CLIC5: variants seen among roughly 807,000 people sequenced by gnomAD.
CLIC5 encodes the protein chloride intracellular channel protein 5.
CLIC5 carries 20 observed loss-of-function variants against 24.7 expected under a neutral mutation model. That is an observed-to-expected ratio of 0.81 (90% CI 0.57 to 1.18). The LOEUF (loss-of-function observed/expected upper bound fraction) is 1.18, where lower values mean the gene tolerates loss of function less well. Among genes scored for constraint, CLIC5 ranks in the 50% most tolerant of loss-of-function variants. The probability of loss-of-function intolerance (pLI) is 0.00; values close to 1 mark genes in which losing one functional copy is unlikely to be tolerated. For synonymous variants in CLIC5, 159 were observed against 135.6 expected, an observed-to-expected ratio of 1.17 and a Z score of -1.20; for missense variants, 341 against 326.1, an observed-to-expected ratio of 1.05 and a Z score of -0.35.
chr6:46,059,681 C>G (rs1762185854), intron 1 of CLIC5, among the ~76,000 whole-genome samples: 1 of 152,162 alleles, frequency 6.6e-6, no homozygotes, highest in Admixed American at 6.5e-5. Flanking sequence ...AAAGAAGGCT[C>G]CATAAGGTTA....
rs538050249 is a variant in CLIC5, at chr6:45,952,769, G to A, written c.173+2366C>T. On this transcript the variant is annotated intron_variant, in intron 2 of 5. Transcript: ENST00000339561. ...AGGAACCAAACCATCTGAAGCACGC[G>A]GGCAGGGGTGGTTCCCTCTCCCACT... is the stretch of plus-strand genomic sequence containing the variant. Among the ~76,000 whole-genome samples the A allele has an allele frequency of 6.6e-5, 10 of 152,198 alleles. 1 individual carries two copies. In the South Asian group the frequency reaches 1.2e-3, roughly 19 times the overall value.
At chr6:45,886,801 G>GT (rs1762309547) in intron 6 of CLIC5, among the ~76,000 whole-genome samples, 1 of 152,196 alleles carries the variant, frequency 6.6e-6, no homozygotes, top group Non-Finnish European at 1.5e-5. Flanking sequence ...AAAGGAAAAC[G>GT]TTTTCCAAAT....
intron 1 of CLIC5, among the ~76,000 whole-genome samples, chr6:46,031,272 C>T (rs1767490995): frequency 6.6e-6 from 1 of 152,100 alleles, no homozygotes; most frequent in African/African-American, 2.4e-5. Context: ...ATGCTGTCTT[C>T]AGTACATGAT....
At chr6:45,946,115 C>T (rs1215865379) in intron 3 of CLIC5, among the ~76,000 whole-genome samples, 2 of 152,144 alleles carry the variant, frequency 1.3e-5, no homozygotes, top group African/African-American at 2.4e-5. Flanking sequence ...AGGGTCTGAG[C>T]GGGAGAGAGG....
Position 45,914,240 on chromosome 6 carries a change from G to T in CLIC5, c.576C>A (p.Leu192=). ...AGAGCTCTCTTACCTTGACCACATG[G>T]AGCTTGGGCAACAGATTGCAGTCAG... The part of the protein sequence containing the change: ...TLADCNLLPK[L]HVVKIVAKKY... The change falls in exon 5 of 6, where the codon CTC becomes CTA. Residue 192 remains leucine, a synonymous_variant. Coordinates refer to ENST00000339561, the MANE Select transcript of CLIC5 (RefSeq NM_016929.5). The T allele has an allele frequency of 6.3e-7, 1 of 1,596,838 alleles. No individual in the cohort carries two copies. The highest frequency in any genetic ancestry group is 8.6e-7 in the Non-Finnish European group (1 of 1,167,944).
chr6:45,989,051 C>T (rs543193764), intron 1 of CLIC5, among the ~76,000 whole-genome samples: 1 of 152,210 alleles, frequency 6.6e-6, no homozygotes, highest in Non-Finnish European at 1.5e-5. Context: ...TGCTCTGTAG[C>T]CTGGAAGTGC....
At position 45,933,343 on chromosome 6, in the gene CLIC5, CT is replaced by C. The variant is rs375822310; in HGVS notation, c.406+8203del. On this transcript the variant is annotated intron_variant, in intron 4 of 5. Coordinates refer to ENST00000339561, the MANE Select transcript of CLIC5 (RefSeq NM_016929.5). The stretch of plus-strand genomic sequence containing the variant: ...CAGAGGGCTTAGCCCTAACCAGGTG[CT>C]TTTCATCTGGGGACATGTGTCCTGG... 2.1e-3 allele frequency among the ~76,000 whole-genome samples: 316 copies of C among 152,298 alleles called. 12 individuals are homozygous for C. In the South Asian group the frequency reaches 0.062, roughly 30 times the overall value.
chr6:45,984,504 T>C (rs865979413), intron 1 of CLIC5, among the ~76,000 whole-genome samples: 4 of 152,286 alleles, frequency 2.6e-5, no homozygotes, highest in Middle Eastern at 6.8e-3. Flanking sequence ...ATGACACTTG[T>C]ACTAAGTGCC....
the CLIC5 span, among the ~76,000 whole-genome samples, chr6:46,109,322 T>C: frequency 2.6e-5 from 4 of 152,052 alleles, no homozygotes; most frequent in Non-Finnish European, 4.4e-5. Context: ...ACTTTGGAGA[T>C]AACAGTTTAA....
At chr6:46,112,206 T>A in the CLIC5 span, among the ~76,000 whole-genome samples, 1 of 152,212 alleles carries the variant, frequency 6.6e-6, no homozygotes, top group African/African-American at 2.4e-5. Context: ...GGCATTTGTA[T>A]CAGTAGATAA....
chr6:46,006,145 T>C (rs1446058633), intron 1 of CLIC5, among the ~76,000 whole-genome samples: 3 of 68,666 alleles, frequency 4.4e-5, no homozygotes, highest in African/African-American at 1.2e-4. Flanking sequence ...TATATATATA[T>C]ATATATATAT....
intron 5 of CLIC5, among the ~76,000 whole-genome samples, chr6:45,910,330 G>T (rs1263303180): frequency 6.6e-6 from 1 of 152,126 alleles, no homozygotes; most frequent in Non-Finnish European, 1.5e-5. Flanking sequence ...CTATAAGGAA[G>T]AATCTATTAT....
In CLIC5 at chr6:45,963,652, TA is replaced by T. The variant is rs572426257; in HGVS notation, c.64-8409del. Among the ~76,000 whole-genome samples the T allele has an allele frequency of 3.8e-3, 548 of 144,756 alleles. 4 individuals are homozygous for T. The highest frequency in any genetic ancestry group is 0.011 in the African/African-American group (418 of 39,716). The allele number at this position is 144,756 out of a possible 152,430, so 95.0% of individuals were successfully genotyped here. On this transcript the variant is annotated intron_variant, in intron 1 of 5. Coordinates refer to ENST00000339561, the MANE Select transcript of CLIC5 (RefSeq NM_016929.5). ...ATAAACATGCTACTTACCCTAAGCT[TA>T]AAAAAAAAAAGTAGAAAGGAAAGTC... is the stretch of plus-strand genomic sequence containing the variant.
chr6:45,996,407 A>G (rs1432344524), intron 1 of CLIC5, among the ~76,000 whole-genome samples: 2 of 152,164 alleles, frequency 1.3e-5, no homozygotes, highest in Non-Finnish European at 2.9e-5. Context: ...TGTTTTAGAC[A>G]TGAAGTCCTT....
At chr6:45,955,281 T>G in intron 1 of CLIC5, 37 bp from the exon 2 acceptor site, 1 of 1,476,702 alleles carries the variant, frequency 6.8e-7, no homozygotes, top group Non-Finnish European at 9.4e-7. Flanking sequence ...AGTGGGCAGG[T>G]GCAATTAGCA....
At chr6:45,885,435 C>A (rs1237640782) in intron 6 of CLIC5, among the ~76,000 whole-genome samples, 1 of 152,108 alleles carries the variant, frequency 6.6e-6, no homozygotes, top group Admixed American at 6.5e-5. Context: ...ATACTAAATA[C>A]CTCCCCTAAA....
At chr6:46,092,100 A>C in the CLIC5 span, among the ~76,000 whole-genome samples, 1 of 152,164 alleles carries the variant, frequency 6.6e-6, no homozygotes, top group Non-Finnish European at 1.5e-5. Context: ...AAGAACATTC[A>C]ATCTTCACAA....
At chr6:46,084,786 C>T (rs983587857), upstream of CLIC5, among the ~76,000 whole-genome samples, 13 of 152,118 alleles carry the variant, frequency 8.5e-5, no homozygotes, top group South Asian at 2.1e-4. Flanking sequence ...ATCTTTGTGA[C>T]GTTCTCTGTA....
the CLIC5 span, among the ~76,000 whole-genome samples, chr6:46,103,379 G>A: frequency 0.47 from 71,007 of 151,954 alleles, 17,291 homozygotes; most frequent in South Asian, 0.68. Flanking sequence ...GCTGCCTTTC[G>A]TAGGGGACAT....
Sources: allele counts gnomAD v4.1 joint callset (sites outside exome capture counted in the v4.1 genomes callset), GRCh38; gene constraint gnomAD v4.1.1; transcripts MANE v1.5; gene names NCBI Gene and HGNC (gene_info 2026-07-23, HGNC 2026-07-21).